Variants in DOCK3 observed in about 807,000 individuals in gnomAD.
The protein encoded by DOCK3 is dedicator of cytokinesis protein 3.
In DOCK3, 60 loss-of-function variants were observed where a neutral mutation model predicts 265.6. The ratio of observed to expected loss-of-function variants is 0.23; its 90% CI spans 0.18 to 0.28. The LOEUF is 0.28. Ranked by LOEUF, DOCK3 falls within the 10% of genes least tolerant of loss-of-function variation. The pLI is 1.00. For synonymous variants in DOCK3, 881 were observed against 938.0 expected (o/e 0.94, Z 1.11); for missense variants, 1,981 against 2,594.3 (o/e 0.76, Z 5.14).
At chr3:51,276,604 T>C (rs1463595492) in intron 25 of DOCK3, 1 of 206,854 alleles carries the variant, frequency 4.8e-6, no homozygotes, top group Non-Finnish European at 8.5e-6. Flanking sequence ...AAATTCTTCA[T>C]GTGGAATGGG....
chr3:50,837,745 T>A (rs1277102169), intron 2 of DOCK3, among the ~76,000 whole-genome samples: 1 of 151,980 alleles, frequency 6.6e-6, no homozygotes, highest in Non-Finnish European at 1.5e-5. Flanking sequence ...CAGATGGATA[T>A]GAGGAAGCAA....
At chr3:51,052,174 G>C (rs1391745629) in intron 5 of DOCK3, among the ~76,000 whole-genome samples, 4 of 152,148 alleles carry the variant, frequency 2.6e-5, no homozygotes, top group Non-Finnish European at 4.4e-5. Flanking sequence ...GAAGTTCTCA[G>C]CTTTTTATTT....
intron 1 of DOCK3, among the ~76,000 whole-genome samples, chr3:50,730,433 G>A (rs1334881370): frequency 6.6e-6 from 1 of 152,180 alleles, no homozygotes; most frequent in African/African-American, 2.4e-5. Context: ...GTGAGCCGCT[G>A]TGCCCGGCTG....
intron 5 of DOCK3, among the ~76,000 whole-genome samples, chr3:50,964,330 A>C (rs988368487): frequency 3.3e-5 from 5 of 152,336 alleles, no homozygotes; most frequent in Admixed American, 2.6e-4. Flanking sequence ...ACCAACCCTG[A>C]ACTGACACAG....
rs777272143 is a variant in DOCK3, at chr3:50,920,426, G to A, written c.219-13555G>A. On this transcript the variant is annotated intron_variant, in intron 4 of 52. Coordinates refer to ENST00000266037, the MANE Select transcript of DOCK3 (RefSeq NM_004947.5). ...TATTAATTATTGCCTCAATTTCAGA[G>A]CCTATTATTGGTCTATTCAGGGATT... is the stretch of plus-strand genomic sequence containing the variant. Among the ~76,000 whole-genome samples, 227 of 152,198 alleles carry A rather than the reference G, an allele frequency of 1.5e-3. 1 individual carries two copies. The highest frequency in any genetic ancestry group is 2.7e-3 in the Non-Finnish European group (184 of 68,010).
intron 12 of DOCK3, among the ~76,000 whole-genome samples, chr3:51,178,989 C>G (rs2087127669): frequency 6.6e-6 from 1 of 152,148 alleles, no homozygotes; most frequent in African/African-American, 2.4e-5. Context: ...ATAGACCATG[C>G]TTTTAACCAC....
Position 51,257,719 on chromosome 3 carries a change from C to CA in DOCK3, c.2185-2432dup, listed in dbSNP as rs1293271921. On this transcript the variant is annotated intron_variant, in intron 22 of 52. Transcript: ENST00000266037. ...TTTCTTACAGGTTTATTAACTTAAA[C>CA]AAAAATGGACAGGGCAGCTGCTTCA... Among the ~76,000 whole-genome samples, 5 of 152,118 alleles carry CA rather than the reference C, an allele frequency of 3.3e-5. No individual in the cohort carries two copies. The East Asian group carries it at 9.6e-4, about 29-fold the overall frequency.
chr3:51,290,712 A>C (rs529777689), intron 27 of DOCK3, among the ~76,000 whole-genome samples: 2 of 152,316 alleles, frequency 1.3e-5, no homozygotes, highest in East Asian at 3.9e-4. Flanking sequence ...AAGACATTTC[A>C]TGCAAATGGA....
chr3:51,091,972 G>T (rs2082655025), intron 9 of DOCK3, among the ~76,000 whole-genome samples: 1 of 152,146 alleles, frequency 6.6e-6, no homozygotes, highest in African/African-American at 2.4e-5. Context: ...GTGCACTCTG[G>T]CCCAGATAGT....
chr3:50,728,469 A>T (rs2037974936), intron 1 of DOCK3, among the ~76,000 whole-genome samples: 1 of 152,188 alleles, frequency 6.6e-6, no homozygotes, highest in African/African-American at 2.4e-5. Context: ...AGCTGAAATC[A>T]ATTAAAGAGA....
chr3:50,766,752 G>A (rs1345750206), intron 1 of DOCK3, among the ~76,000 whole-genome samples: 3 of 152,144 alleles, frequency 2.0e-5, no homozygotes, highest in African/African-American at 7.2e-5. Flanking sequence ...GCGTAAAAAT[G>A]TTCCTATTTC....
At chr3:50,766,143 T>C (rs888047670) in intron 1 of DOCK3, among the ~76,000 whole-genome samples, 2 of 152,186 alleles carry the variant, frequency 1.3e-5, no homozygotes, top group African/African-American at 4.8e-5. Context: ...TTAAATATGC[T>C]TTAAGTTCTA....
At chr3:50,717,684 G>A (rs777592194) in intron 1 of DOCK3, among the ~76,000 whole-genome samples, 6 of 152,056 alleles carry the variant, frequency 3.9e-5, no homozygotes, top group African/African-American at 1.4e-4. Context: ...GTGCAGTGGC[G>A]CAATCTCAGC....
intron 5 of DOCK3, among the ~76,000 whole-genome samples, chr3:50,996,146 T>C (rs1398958966): frequency 6.6e-6 from 1 of 152,064 alleles, no homozygotes. Flanking sequence ...AGTGCTGTGA[T>C]TACAGGCATG....
chr3:50,737,666 C>T (rs2038729491), intron 1 of DOCK3, among the ~76,000 whole-genome samples: 1 of 152,100 alleles, frequency 6.6e-6, no homozygotes, highest in Admixed American at 6.5e-5. Context: ...GACCTTTGAG[C>T]TCACTGATTC....
chr3:50,980,869 G>C (rs1045121634), intron 5 of DOCK3, among the ~76,000 whole-genome samples: 2 of 151,414 alleles, frequency 1.3e-5, no homozygotes, highest in Admixed American at 6.6e-5. Context: ...TCTAGATAGT[G>C]GTTTGTTGAT....
intron 5 of DOCK3, among the ~76,000 whole-genome samples, chr3:50,938,608 A>G (rs2051525495): frequency 1.3e-5 from 2 of 152,036 alleles, no homozygotes; most frequent in African/African-American, 2.4e-5. Context: ...CACTAACAAG[A>G]AAAAAAGAAA....
At chr3:51,017,840 T>G (rs534108090) in intron 5 of DOCK3, among the ~76,000 whole-genome samples, 4 of 151,900 alleles carry the variant, frequency 2.6e-5, no homozygotes, top group Non-Finnish European at 5.9e-5. Context: ...CAAATAGTTA[T>G]GCAAATTTAC....
intron 2 of DOCK3, among the ~76,000 whole-genome samples, chr3:50,807,199 A>T (rs2043474529): frequency 6.6e-6 from 1 of 150,448 alleles, no homozygotes; most frequent in Admixed American, 6.6e-5. Flanking sequence ...GTTCTTGTGG[A>T]GGAGACAAGC....
Sources: allele counts gnomAD v4.1 joint callset (sites outside exome capture counted in the v4.1 genomes callset), GRCh38; gene constraint gnomAD v4.1.1; transcripts MANE v1.5; gene names NCBI Gene and HGNC (gene_info 2026-07-23, HGNC 2026-07-21).